CCSER1: variants seen among roughly 807,000 people sequenced by gnomAD.
CCSER1 encodes coiled-coil serine rich protein 1, also known as serine-rich coiled-coil domain-containing protein 1.
A neutral mutation model predicts 82.0 loss-of-function variants in CCSER1; 41 were observed. The observed-to-expected ratio is 0.50, with a 90% CI of 0.39 to 0.65. The LOEUF (loss-of-function observed/expected upper bound fraction) is 0.65, where lower values mean the gene tolerates loss of function less well. Ranked by LOEUF, CCSER1 falls within the 30% of genes least tolerant of loss-of-function variation. The pLI is 0.00. For synonymous variants in CCSER1, 414 were observed against 383.9 expected, an observed-to-expected ratio of 1.08 and a Z score of -0.92; for missense variants, 1,119 against 1,064.2, an observed-to-expected ratio of 1.05 and a Z score of -0.72.
intron 10 of CCSER1, among the ~76,000 whole-genome samples, chr4:91,264,005 G>A (rs9986071): frequency 0.55 from 83,634 of 151,622 alleles, 24,233 homozygotes; most frequent in African/African-American, 0.76. Context: ...ATATTTCTAT[G>A]TTTTAAATGT....
At chr4:91,156,376 A>G (rs1730819891) in intron 10 of CCSER1, among the ~76,000 whole-genome samples, 1 of 151,552 alleles carries the variant, frequency 6.6e-6, no homozygotes, top group Admixed American at 6.6e-5. Flanking sequence ...AATAATGAAA[A>G]ACTCCCTACT....
chr4:90,859,457 A>C lies in CCSER1; in HGVS notation c.2094+43612A>C, dbSNP rs536625218. ...TAGCGAAGCTTTATGATTCATAAACACTGACAAAAGATTCAAGGAATTCTG... is the reference window on the plus strand; with the variant it reads ...TAGCGAAGCTTTATGATTCATAAACCCTGACAAAAGATTCAAGGAATTCTG... On this transcript the variant is annotated intron_variant, in intron 8 of 10. Transcript: ENST00000509176. 5.7e-4 allele frequency among the ~76,000 whole-genome samples: 87 copies of C among 151,970 alleles called. 2 individuals carry two copies. Among genetic ancestry groups the C allele is most frequent in the African/African-American group, 1.9e-3 (80 of 41,564 alleles).
At position 90,773,028 on chromosome 4, in the gene CCSER1, G is replaced by A. The variant is rs746667628; in HGVS notation, c.2011-42734G>A. Among the ~76,000 whole-genome samples the A allele has an allele frequency of 5.9e-5, 9 of 152,016 alleles. 1 individual carries two copies. Among genetic ancestry groups the A allele is most frequent in the Admixed American group, 2.0e-4 (3 of 15,260 alleles). Reference sequence around the variant, plus strand: ...TGCCAAGGCGGGCGGATCACCTGAGGTCGGGAGTTCGAGACCAGCCTGACC... The same window carrying A: ...TGCCAAGGCGGGCGGATCACCTGAGATCGGGAGTTCGAGACCAGCCTGACC... On this transcript the variant is annotated intron_variant, in intron 7 of 10. Transcript: ENST00000509176.
rs554416773 is a variant in CCSER1 at position 90,252,180 on chromosome 4, A to G, written c.-41-56064A>G. On this transcript the variant is annotated intron_variant, in intron 1 of 10. Transcript: ENST00000509176. The stretch of plus-strand genomic sequence containing the variant: ...TGAATTATACAGGTTGAGCAACCCA[A>G]ATCCAAAAATTTGAAATCCAAAAGT... Among the ~76,000 whole-genome samples, 24 of 151,984 alleles carry G rather than the reference A, an allele frequency of 1.6e-4. No homozygotes were observed. In the South Asian group the frequency reaches 3.3e-3, roughly 21 times the overall value.
chr4:91,186,142 C>T (rs543216052), intron 10 of CCSER1, among the ~76,000 whole-genome samples: 32 of 152,284 alleles, frequency 2.1e-4, no homozygotes, highest in African/African-American at 7.7e-4. Flanking sequence ...ACTTTTCACC[C>T]AGTGTCCTCC....
intron 5 of CCSER1, among the ~76,000 whole-genome samples, chr4:90,623,023 A>ATT (rs35838784): frequency 0.01 from 1,153 of 112,536 alleles, 27 homozygotes; most frequent in African/African-American, 0.027. Flanking sequence ...TGGGTAAAGG[A>ATT]TTTTTTTTTT....
chr4:91,522,547 G>A (rs190570070), intron 10 of CCSER1, among the ~76,000 whole-genome samples: 8 of 152,018 alleles, frequency 5.3e-5, no homozygotes, highest in South Asian at 2.1e-4. Context: ...CTTTTATTTC[G>A]TTGAGCAGTG....
intron 10 of CCSER1, among the ~76,000 whole-genome samples, chr4:91,558,420 AGTTT>A (rs1033897317): frequency 1.3e-5 from 2 of 151,626 alleles, no homozygotes; most frequent in African/African-American, 4.8e-5. Context: ...TAACAATGTG[AGTTT>A]TTTTTGTTTG....
chr4:91,580,648 C>G (rs765224086), intron 10 of CCSER1, among the ~76,000 whole-genome samples: 2 of 151,566 alleles, frequency 1.3e-5, no homozygotes, highest in Non-Finnish European at 3.0e-5. Context: ...TTTTAAAACC[C>G]CTGTGATGAT....
chr4:90,437,632 G>A (rs113974618), intron 4 of CCSER1, among the ~76,000 whole-genome samples: 3 of 152,220 alleles, frequency 2.0e-5, no homozygotes, highest in African/African-American at 7.2e-5. Flanking sequence ...GTCATTTCAT[G>A]TTGTTTGGTT....
chr4:90,463,097 C>T (rs1231138977), intron 4 of CCSER1, among the ~76,000 whole-genome samples: 4 of 152,000 alleles, frequency 2.6e-5, no homozygotes, highest in South Asian at 4.1e-4. Flanking sequence ...TGATGCAATT[C>T]TTTCACATCT....
At chr4:90,782,685 CTTT>C (rs61457393) in intron 7 of CCSER1, among the ~76,000 whole-genome samples, 2 of 133,980 alleles carry the variant, frequency 1.5e-5, no homozygotes. Context: ...TTCTTTCTTT[CTTT>C]TTTTTTTTTT....
At chr4:91,227,444 G>A (rs947408971) in intron 10 of CCSER1, among the ~76,000 whole-genome samples, 2 of 151,792 alleles carry the variant, frequency 1.3e-5, no homozygotes, top group Non-Finnish European at 2.9e-5. Flanking sequence ...ATGTGTGTGT[G>A]TGTTTGTGTG....
chr4:90,540,181 A>G (rs1323016784), intron 5 of CCSER1, among the ~76,000 whole-genome samples: 6 of 152,154 alleles, frequency 3.9e-5, no homozygotes, highest in African/African-American at 9.6e-5. Flanking sequence ...GAAATATTCA[A>G]TGCAAACTAT....
At position 90,795,790 on chromosome 4, in the gene CCSER1, A is replaced by G. The variant is rs192465433; in HGVS notation, c.2011-19972A>G. ...GTCTTTAGTTCTGTTTATGTGATGA[A>G]TCACATTTATTTATTTGTGTATGTT... is the stretch of plus-strand genomic sequence containing the variant. On this transcript the variant is annotated intron_variant, in intron 7 of 10. Transcript: ENST00000509176. 2.8e-3 allele frequency among the ~76,000 whole-genome samples: 432 copies of G among 152,290 alleles called. 3 individuals are homozygous for G. The highest frequency in any genetic ancestry group is 4.3e-3 in the Non-Finnish European group (291 of 68,040).
chr4:90,562,149 C>T (rs567288882), intron 5 of CCSER1, among the ~76,000 whole-genome samples: 2 of 142,438 alleles, frequency 1.4e-5, no homozygotes, highest in African/African-American at 2.7e-5. Context: ...CAGATTATGC[C>T]ATTGCACTCC....
intron 7 of CCSER1, among the ~76,000 whole-genome samples, chr4:90,746,397 A>G (rs950998360): frequency 6.6e-6 from 1 of 152,208 alleles, no homozygotes; most frequent in Non-Finnish European, 1.5e-5. Flanking sequence ...TAAAATATCC[A>G]TTTAATAAAA....
intron 1 of CCSER1, among the ~76,000 whole-genome samples, chr4:90,138,454 C>A (rs1420765553): frequency 6.6e-6 from 1 of 152,218 alleles, no homozygotes; most frequent in Non-Finnish European, 1.5e-5. Context: ...ACTGCCCTCC[C>A]TGGCTATTTC....
At chr4:90,408,391 G>A (rs1754096479) in intron 4 of CCSER1, among the ~76,000 whole-genome samples, 1 of 152,224 alleles carries the variant, frequency 6.6e-6, no homozygotes, top group African/African-American at 2.4e-5. Flanking sequence ...CCCAGTAGGG[G>A]AGGACTGACA....
Sources: gnomAD v4.1 joint callset for allele counts (sites outside exome capture counted in the v4.1 genomes callset) on GRCh38, gnomAD v4.1.1 for gene constraint, MANE v1.5 for transcripts, NCBI Gene and HGNC (gene_info 2026-07-23, HGNC 2026-07-21) for gene names.